The following CCDC112 variants were observed in gnomAD, a reference collection of about 807,000 sequenced individuals.
CCDC112 encodes coiled-coil domain-containing protein 112.
CCDC112 carries 40 observed loss-of-function variants against 66.3 expected under a neutral mutation model. That is an observed-to-expected ratio of 0.60 (90% CI 0.47 to 0.79). The LOEUF (loss-of-function observed/expected upper bound fraction) is 0.79. Among genes scored for constraint, CCDC112 ranks in the 30% least tolerant of loss-of-function variants. CCDC112 has a pLI of 0.00. For missense variants in CCDC112, 659 were observed against 603.8 expected, an observed-to-expected ratio of 1.09 and a Z score of -0.96; for synonymous variants, 214 against 197.2, an observed-to-expected ratio of 1.09 and a Z score of -0.71.
chr5:115,296,249 C>T (rs1313877529), intron 1 of CCDC112, 178 bp downstream of exon 1: 2 of 1,291,078 alleles, frequency 1.5e-6, no homozygotes, highest in Admixed American at 4.2e-5. Context: ...ATGGAGGCGG[C>T]TCTGCAAAAG....
At position 115,296,475 on chromosome 5, in the gene CCDC112, C is replaced by CGCCCCT. The variant is rs767540940; in HGVS notation, c.63_68dup (p.Gly24_Ala25dup). 2 of 1,566,410 alleles carry CGCCCCT rather than the reference C, an allele frequency of 1.3e-6. No individual in the cohort carries two copies. The highest frequency in any genetic ancestry group is 2.8e-5 in the African/African-American group (2 of 70,936). ...CCACGCCGGTCCCGGTGGCCGCGCC[C>CGCCCCT]GCCCCTGCCACAGCCCCGGCTACCG... On this transcript the variant is annotated inframe_insertion, in exon 1 of 10. Coordinates refer to ENST00000379611, the MANE Select transcript of CCDC112 (RefSeq NM_001040440.3).
At chr5:115,276,128 A>G in intron 4 of CCDC112, 59 bp from the exon 5 acceptor site, 1 of 1,183,432 alleles carries the variant, frequency 8.4e-7, no homozygotes, top group Non-Finnish European at 1.2e-6. Context: ...TAAAAGTTAA[A>G]TATTAGGAAG....
intron 2 of CCDC112, among the ~76,000 whole-genome samples, chr5:115,283,145 A>G (rs1317769638): frequency 3.3e-5 from 5 of 152,122 alleles, no homozygotes; most frequent in Admixed American, 2.0e-4. Context: ...TCTGAATACT[A>G]AAGATATATG....
Position 115,271,565 on chromosome 5 carries a change from T to C in CCDC112, c.980A>G (p.Glu327Gly), listed in dbSNP as rs756746664. The change falls in exon 7 of 10, where the codon GAA becomes GGA. Residue 327 changes from glutamate (E) to glycine (G), a missense_variant. Physicochemically the swap from Glu to Gly is moderately conservative, Grantham distance 98 (BLOSUM62 -2). Coordinates refer to ENST00000379611, the MANE Select transcript of CCDC112 (RefSeq NM_001040440.3). Reference protein sequence around the residue: ...QKREEIFKLKEKADNTPVLFH... With the variant: ...QKREEIFKLKGKADNTPVLFH... ...AAGCACAGGTGTGTTGTCTGCCTTT[T>C]CCTTTAACTTGAAAATTTCCTCCCT... is the stretch of plus-strand genomic sequence containing the variant. 1 of 1,570,482 alleles carries C rather than the reference T, an allele frequency of 6.4e-7. No homozygotes were observed. The highest frequency in any genetic ancestry group is 1.2e-5 in the South Asian group (1 of 82,278).
In CCDC112 at chr5:115,269,792, G is replaced by A. The variant is rs1469705435; in HGVS notation, c.1339C>T (p.His447Tyr). 1 of 1,536,792 alleles carries A rather than the reference G, an allele frequency of 6.5e-7. No homozygotes were observed. Among genetic ancestry groups the A allele is most frequent in the Non-Finnish European group, 8.7e-7 (1 of 1,146,940 alleles). The part of the protein sequence containing the change: ...EISRFQERDL[H>Y]KLELKILDRQ... ...TCTAGAATTTTCAGTTCAAGTTTAT[G>A]TAAATCCTTAAAAAAAAAAACCCAT... Residue 447 changes from histidine to tyrosine, a missense_variant, in exon 8 of 10, where the codon CAT becomes TAT. His to Tyr is a moderately conservative substitution (Grantham distance 83). Transcript: ENST00000379611.
intron 2 of CCDC112, chr5:115,280,573 G>A (rs761648154): frequency 5.3e-5 from 8 of 150,208 alleles, no homozygotes; most frequent in Non-Finnish European, 8.9e-5. Flanking sequence ...TTTTTTTTGA[G>A]ACAGGGTCTG....
At chr5:115,283,750 G>T (rs1445035096) in intron 2 of CCDC112, among the ~76,000 whole-genome samples, 1 of 152,004 alleles carries the variant, frequency 6.6e-6, no homozygotes, top group Non-Finnish European at 1.5e-5. Context: ...TCTAAATATA[G>T]ACCTGCCACC....
chr5:115,283,051 A>G (rs1052827212), intron 2 of CCDC112, among the ~76,000 whole-genome samples: 21 of 152,152 alleles, frequency 1.4e-4, no homozygotes, highest in African/African-American at 4.8e-4. Context: ...AGAAAGAAAC[A>G]TAAAACAGAA....
chr5:115,271,630 A>C lies in CCDC112; in HGVS notation c.919-4T>G. On this transcript the variant is annotated splice_region_variant and splice_polypyrimidine_tract_variant and intron_variant, in intron 6 of 9. Transcript: ENST00000379611. The stretch of plus-strand genomic sequence containing the variant: ...TAGTTTTCCAAATCTGAATTGACTA[A>C]ATGATTTTTTTAAAAAAAGAAAGCA... 6.7e-7 allele frequency: 1 copy of C among 1,485,402 alleles called. No homozygotes were observed. The highest frequency in any genetic ancestry group is 8.9e-7 in the Non-Finnish European group (1 of 1,121,946). 92.0% of individuals were successfully genotyped at this position (1,485,402 alleles called of 1,614,324 possible).
chr5:115,269,116 C>T (rs1748895743), intron 8 of CCDC112, 116 bp from the exon 9 acceptor site: 2 of 513,438 alleles, frequency 3.9e-6, no homozygotes, highest in African/African-American at 2.0e-5. Flanking sequence ...CTAATAAAAC[C>T]ATTAATAACC....
rs1032271890 is a variant in CCDC112, at chr5:115,271,497, G to C, written c.1048C>G (p.Gln350Glu). 2 of 1,612,774 alleles carry C rather than the reference G, an allele frequency of 1.2e-6. No individual in the cohort carries two copies. The highest frequency in any genetic ancestry group is 1.7e-6 in the Non-Finnish European group (2 of 1,179,722). Residue 350 changes from glutamine (Q) to glutamate (E), a missense_variant, in exon 7 of 10, where the codon CAA (glutamine) becomes GAA (glutamate). Transcript: ENST00000379611. ...QEDNQKQKEE[Q>E]RKKQKLAVEA... is the part of the protein sequence containing the mutation. ...ACTGCCAATTTCTGTTTCTTTCTTT[G>C]TTCCTCTTTTTGCTTTTGATTATCC...
intron 3 of CCDC112, among the ~76,000 whole-genome samples, chr5:115,279,199 A>G (rs1431285436): frequency 6.6e-6 from 1 of 152,184 alleles, no homozygotes; most frequent in Admixed American, 6.5e-5. Context: ...GGTTTATGCA[A>G]TTATCTGACT....
intron 5 of CCDC112, 136 bp from the exon 6 acceptor site, chr5:115,275,742 A>C: frequency 1.4e-6 from 1 of 724,764 alleles, no homozygotes; most frequent in Non-Finnish European, 2.1e-6. Flanking sequence ...TTTAAGCCTT[A>C]AAAGAGTCTC....
In CCDC112 at chr5:115,277,031, C is replaced by A; in HGVS notation, c.385G>T (p.Ala129Ser). 1 of 1,608,918 alleles carries A rather than the reference C, an allele frequency of 6.2e-7. No individual in the cohort carries two copies. Among genetic ancestry groups the A allele is most frequent in the Non-Finnish European group, 8.5e-7 (1 of 1,176,470 alleles). The change falls in exon 4 of 10, where the codon GCC (alanine) becomes TCC (serine). Residue 129 changes from alanine to serine, a missense_variant. Coordinates refer to ENST00000379611, the MANE Select transcript of CCDC112 (RefSeq NM_001040440.3). Reference protein sequence around the residue: ...TERAKIQQQLAKIHNNVKKLQ... With the variant: ...TERAKIQQQLSKIHNNVKKLQ... ...TTCTTTACATTATTATGTATTTTGG[C>A]CAATTGTTGCTGGATTTTTGCTCCT... is the stretch of plus-strand genomic sequence containing the variant.
In CCDC112 at chr5:115,271,395, C is replaced by G. The variant is rs138427488; in HGVS notation, c.1150G>C (p.Glu384Gln). The G allele has an allele frequency of 2.6e-5, 42 of 1,608,334 alleles. 1 individual carries two copies. The African/African-American group carries it at 5.2e-4, about 20-fold the overall frequency. The change falls in exon 7 of 10, where the codon GAG (glutamate) becomes CAG (glutamine). Residue 384 changes from glutamate to glutamine, a missense_variant. By Grantham distance (29) the Glu-to-Gln change is conservative (BLOSUM62 2). Coordinates refer to ENST00000379611, the MANE Select transcript of CCDC112 (RefSeq NM_001040440.3). ...TGGCGTTCTTTCTGATGTTTTTTCTCTTTCTCTTCTTCTTCTTTTAACTGG... is the reference window on the plus strand; with the variant it reads ...TGGCGTTCTTTCTGATGTTTTTTCTGTTTCTCTTCTTCTTCTTTTAACTGG... ...ASQLKEEEEKEKKHQKERQRQ... is the reference protein window; with the variant it reads ...ASQLKEEEEKQKKHQKERQRQ...
At position 115,296,433 on chromosome 5, in the gene CCDC112, A is replaced by G. The variant is rs770367285; in HGVS notation, c.111T>C (p.Pro37=). ...TCGGTTCTCCCGGATTTACCTGTTG[A>G]GGCGCTGGCGTCGCTCCCACGCCGG... ...TGTGVGATPA[P]QQSDGCFSTS... Residue 37 remains proline (P), a synonymous_variant, in exon 1 of 10, where the codon CCT becomes CCC. Coordinates refer to ENST00000379611, the MANE Select transcript of CCDC112 (RefSeq NM_001040440.3). 1.9e-6 allele frequency: 3 copies of G among 1,565,998 alleles called. No homozygotes were observed. Among genetic ancestry groups the G allele is most frequent in the Non-Finnish European group, 2.6e-6 (3 of 1,164,616 alleles).
chr5:115,287,576 G>C (rs1749727274), intron 1 of CCDC112, among the ~76,000 whole-genome samples: 1 of 151,828 alleles, frequency 6.6e-6, no homozygotes, highest in Non-Finnish European at 1.5e-5. Flanking sequence ...GAAAACAAGA[G>C]ATGCACGGCA....
chr5:115,275,548 T>C lies in CCDC112; in HGVS notation c.586A>G (p.Arg196Gly), dbSNP rs1749171404. 3.1e-6 allele frequency: 5 copies of C among 1,613,194 alleles called. No homozygotes were observed. The highest frequency in any genetic ancestry group is 4.2e-6 in the Non-Finnish European group (5 of 1,179,416). ...CCCAAAGCCCATGTGTCAATTTTTC[T>C]TGATATGGCACTCAACTCATTATTA... ...TTNNELSAIS[R>G]KIDTWALGNS... is the part of the protein sequence containing the mutation. The change falls in exon 6 of 10, where the codon AGA becomes GGA. Residue 196 changes from arginine to glycine, a missense_variant. Arg to Gly is a moderately radical substitution (Grantham distance 125). Coordinates refer to ENST00000379611, the MANE Select transcript of CCDC112 (RefSeq NM_001040440.3).
intron 3 of CCDC112, among the ~76,000 whole-genome samples, chr5:115,278,489 A>AAT (rs1013535360): frequency 6.6e-6 from 1 of 152,078 alleles, no homozygotes; most frequent in Admixed American, 6.6e-5. Flanking sequence ...AAATAACTTA[A>AAT]AAAAATAAGC....
Sources: gnomAD v4.1 joint callset for allele counts (sites outside exome capture counted in the v4.1 genomes callset) on GRCh38, gnomAD v4.1.1 for gene constraint, MANE v1.5 for transcripts, NCBI Gene and HGNC (gene_info 2026-07-23, HGNC 2026-07-21) for gene names.